The following CLNK variants were observed in gnomAD, a reference collection of about 807,000 sequenced individuals.
CLNK encodes the protein cytokine-dependent hematopoietic cell linker.
A neutral mutation model predicts 68.6 loss-of-function variants in CLNK; 74 were observed. The observed-to-expected ratio is 1.08, with a 90% confidence interval of 0.89 to 1.31. The LOEUF (loss-of-function observed/expected upper bound fraction) is 1.31, where lower values mean the gene tolerates loss of function less well. Among genes scored for constraint, CLNK ranks in the 50% most tolerant of loss-of-function variants. CLNK has a pLI of 0.00. For synonymous variants in CLNK, 198 were observed against 172.2 expected (o/e 1.15, Z -1.17); for missense variants, 553 against 515.3 (o/e 1.07, Z -0.71).
At chr4:10,509,245 G>T (rs13108998) in intron 16 of CLNK, among the ~76,000 whole-genome samples, 41,872 of 151,946 alleles carry the variant, frequency 0.28, 7,003 homozygotes, top group Non-Finnish European at 0.39. Flanking sequence ...TAAATACTGA[G>T]ATTCTGATTC....
chr4:10,731,915 A>T, the CLNK span, among the ~76,000 whole-genome samples: 3 of 152,198 alleles, frequency 2.0e-5, no homozygotes, highest in African/African-American at 7.2e-5. Flanking sequence ...AGGATTAGCA[A>T]CGGTCTCTCT....
chr4:10,613,996 G>C (rs1159222394), intron 2 of CLNK, among the ~76,000 whole-genome samples: 1 of 152,240 alleles, frequency 6.6e-6, no homozygotes, highest in African/African-American at 2.4e-5. Flanking sequence ...GCCACCCTCA[G>C]TGGCAACCAC....
At chr4:10,644,637 C>T (rs1040976893) in intron 2 of CLNK, among the ~76,000 whole-genome samples, 3 of 151,600 alleles carry the variant, frequency 2.0e-5, no homozygotes, top group African/African-American at 4.8e-5. Context: ...TAAGAGGGCA[C>T]CAAACAATGT....
the CLNK span, among the ~76,000 whole-genome samples, chr4:10,725,658 C>T: frequency 2.0e-5 from 3 of 152,112 alleles, no homozygotes; most frequent in Non-Finnish European, 4.4e-5. Context: ...TCGAGACCAT[C>T]CTGGCTAACA....
Position 10,488,005 on chromosome 4 carries a change from A to T in CLNK, c.*2462T>A, listed in dbSNP as rs4530623. 40,474 of 152,240 alleles carry T rather than the reference A, an allele frequency of 0.27. 5,758 individuals carry two copies. The highest frequency in any genetic ancestry group is 0.39 in the East Asian group (2,010 of 5,180). The allele number at this position is 152,240 out of a possible 1,614,324, so 9.4% of individuals were successfully genotyped here. On this transcript the variant is annotated 3_prime_UTR_variant, in exon 19 of 19. Transcript: ENST00000226951. The stretch of plus-strand genomic sequence containing the variant: ...CCCAATCCCTCAAACCCCAATCACC[A>T]GAAGCAGCCCATGTCAGTATTTTCC...
rs533413030 is a variant in CLNK, at chr4:10,610,118, G to A, written c.12-12069C>T. ...GTCGCCCAGGCGGGAGTGCTGTGGCGCGATCTCCGCTCACTGCAAGCTCCG... is the reference window on the plus strand; with the variant it reads ...GTCGCCCAGGCGGGAGTGCTGTGGCACGATCTCCGCTCACTGCAAGCTCCG... On this transcript the variant is annotated intron_variant, in intron 2 of 18. Coordinates refer to ENST00000226951, the MANE Select transcript of CLNK (RefSeq NM_052964.4). Among the ~76,000 whole-genome samples, 745 of 120,714 alleles carry A rather than the reference G, an allele frequency of 6.2e-3. 9 individuals are homozygous for A. Among genetic ancestry groups the A allele is most frequent in the African/African-American group, 0.023 (708 of 31,274 alleles). 79.2% of individuals were successfully genotyped at this position (120,714 alleles called of 152,430 possible).
At chr4:10,585,051 CA>C in intron 3 of CLNK, 96 bp from the exon 4 acceptor site, 1 of 1,312,576 alleles carries the variant, frequency 7.6e-7, no homozygotes, top group Non-Finnish European at 1.1e-6. Context: ...CGTCATTGTA[CA>C]AGTCAGCCTC....
chr4:10,717,601 A>G, the CLNK span, among the ~76,000 whole-genome samples: 1 of 152,072 alleles, frequency 6.6e-6, no homozygotes, highest in Non-Finnish European at 1.5e-5. Context: ...AAAAAACAAA[A>G]CAGAAAAGCT....
intron 2 of CLNK, among the ~76,000 whole-genome samples, chr4:10,654,842 C>G (rs192445111): frequency 1.2e-4 from 18 of 152,188 alleles, no homozygotes; most frequent in Admixed American, 5.9e-4. Context: ...GTGGCTCATG[C>G]CTGTAATCCC....
chr4:10,551,768 T>A (rs1285400746), intron 8 of CLNK, among the ~76,000 whole-genome samples: 1 of 152,134 alleles, frequency 6.6e-6, no homozygotes, highest in Non-Finnish European at 1.5e-5. Context: ...ATATTATTGG[T>A]TGAATTATGA....
chr4:10,689,884 G>A, the CLNK span, among the ~76,000 whole-genome samples: 1 of 151,672 alleles, frequency 6.6e-6, no homozygotes, highest in East Asian at 1.9e-4. Flanking sequence ...GAGGAGATCA[G>A]CTCACACTAA....
chr4:10,593,479 AC>A (rs1721265945), intron 3 of CLNK, among the ~76,000 whole-genome samples: 2 of 152,038 alleles, frequency 1.3e-5, no homozygotes, highest in South Asian at 4.2e-4. Flanking sequence ...ATATGGCGAA[AC>A]CCCATCTCTA....
chr4:10,501,156 T>TTCAGGGCGGCATCCTCTTCC (rs1249682541), intron 18 of CLNK, 100 bp downstream of exon 18: 2 of 1,238,878 alleles, frequency 1.6e-6, no homozygotes, highest in African/African-American at 3.1e-5. Flanking sequence ...ATCCCTCTCC[T>TTCAGGGCGGCATCCTCTTCC]TCAGGGCGGC....
chr4:10,572,699 C>T (rs17467581), intron 4 of CLNK, among the ~76,000 whole-genome samples: 15,148 of 152,260 alleles, frequency 0.099, 981 homozygotes, highest in Middle Eastern at 0.16. Context: ...TCCCTTCTTC[C>T]TTTGGCTGCC....
chr4:10,679,125 G>T (rs1019122215), intron 1 of CLNK, among the ~76,000 whole-genome samples: 1 of 152,140 alleles, frequency 6.6e-6, no homozygotes, highest in African/African-American at 2.4e-5. Context: ...ATACTACAAG[G>T]CTGCAGCAAC....
intron 2 of CLNK, among the ~76,000 whole-genome samples, chr4:10,651,868 A>G (rs1372393464): frequency 6.6e-6 from 1 of 152,084 alleles, no homozygotes; most frequent in Non-Finnish European, 1.5e-5. Flanking sequence ...TAAAATATCT[A>G]TGGAAATCAC....
chr4:10,662,146 G>A (rs1724217204), intron 2 of CLNK, among the ~76,000 whole-genome samples: 1 of 152,130 alleles, frequency 6.6e-6, no homozygotes, highest in African/African-American at 2.4e-5. Flanking sequence ...ACACAGTGTT[G>A]TCTGCTGGGG....
At chr4:10,705,731 T>C in the CLNK span, among the ~76,000 whole-genome samples, 1 of 152,226 alleles carries the variant, frequency 6.6e-6, no homozygotes, top group East Asian at 1.9e-4. Flanking sequence ...CACCCTGAAA[T>C]CCATCTGCAA....
At chr4:10,542,537 A>T (rs1227677129) in intron 8 of CLNK, among the ~76,000 whole-genome samples, 2 of 152,096 alleles carry the variant, frequency 1.3e-5, no homozygotes, top group Non-Finnish European at 2.9e-5. Flanking sequence ...ACACTCACCC[A>T]GCGAGTAAAT....
Sources: gnomAD v4.1 joint callset for allele counts (sites outside exome capture counted in the v4.1 genomes callset) on GRCh38, gnomAD v4.1.1 for gene constraint, MANE v1.5 for transcripts, NCBI Gene and HGNC (gene_info 2026-07-23, HGNC 2026-07-21) for gene names.